The following CYP51A1 variants were observed in gnomAD, a reference collection of about 807,000 sequenced individuals.
The protein encoded by CYP51A1 is lanosterol 14-alpha demethylase.
CYP51A1 carries 45 observed loss-of-function variants against 53.5 expected under a neutral mutation model. That is an observed-to-expected ratio of 0.84 (90% CI 0.66 to 1.08). The LOEUF (loss-of-function observed/expected upper bound fraction) is 1.08, where lower values mean the gene tolerates loss of function less well. Among genes scored for constraint, CYP51A1 ranks in the 50% least tolerant of loss-of-function variants. The pLI is 0.00. For missense variants in CYP51A1, 462 were observed against 621.7 expected (o/e 0.74, Z 2.73); for synonymous variants, 181 against 217.7 (o/e 0.83, Z 1.48).
At position 92,113,863 on chromosome 7, in the gene CYP51A1, A is replaced by G. The variant is rs1819522105; in HGVS notation, c.1352-20T>C. 6.5e-7 allele frequency: 1 copy of G among 1,550,006 alleles called. No homozygotes were observed. On this transcript the variant is annotated intron_variant, in intron 9 of 9. Transcript: ENST00000003100. ...GACGCCCTAAAAAAAAGAAAAAGTTATAAGAATCAGTTTAAATTCTTTCTC... is the reference window on the plus strand; with the variant it reads ...GACGCCCTAAAAAAAAGAAAAAGTTGTAAGAATCAGTTTAAATTCTTTCTC...
At chr7:92,126,520 C>T (rs1233116204) in intron 4 of CYP51A1, 93 bp from the exon 5 acceptor site, 17 of 1,088,734 alleles carry the variant, frequency 1.6e-5, no homozygotes, top group Non-Finnish European at 2.1e-5. Context: ...AAACAAGATC[C>T]TATTCATATC....
In CYP51A1 at chr7:92,118,530, C is replaced by T; in HGVS notation, c.1172G>A (p.Arg391Lys). ...PPIMIMMRMA[R>K]TPQTVAGYTI... The stretch of plus-strand genomic sequence containing the variant: ...AGCCAAGATACTCACCTGAGGAGTT[C>T]TGGCCATTCTCATCATGATCATTAT... The change falls in exon 8 of 10, where the codon AGA becomes AAA. Residue 391 changes from arginine to lysine, a missense_variant. Arg to Lys is a conservative substitution (Grantham distance 26). Transcript: ENST00000003100. 1 of 1,566,348 alleles carries T rather than the reference C, an allele frequency of 6.4e-7. No individual in the cohort carries two copies. Among genetic ancestry groups the T allele is most frequent in the Non-Finnish European group, 8.8e-7 (1 of 1,137,954 alleles).
intron 8 of CYP51A1, chr7:92,117,429 AGAT>A (rs1819600820): frequency 2.6e-6 from 1 of 385,922 alleles, no homozygotes; most frequent in African/African-American, 2.1e-5. Flanking sequence ...AAAACTGGCT[AGAT>A]AATAGGCAAA....
At chr7:92,128,461 T>TGTGC (rs1563181258) in intron 3 of CYP51A1, among the ~76,000 whole-genome samples, 8 of 137,462 alleles carry the variant, frequency 5.8e-5, no homozygotes, top group African/African-American at 2.0e-4. Flanking sequence ...TGTGTGCGCG[T>TGTGC]GCGTGTGTGT....
chr7:92,125,033 A>G (rs1819769065), intron 5 of CYP51A1, among the ~76,000 whole-genome samples: 1 of 151,350 alleles, frequency 6.6e-6, no homozygotes, highest in African/African-American at 2.4e-5. Context: ...AGTCCCAGCT[A>G]CTCGGGAGGC....
chr7:92,128,457 C>T (rs12112261), intron 3 of CYP51A1, among the ~76,000 whole-genome samples: 57,814 of 135,144 alleles, frequency 0.43, 11,515 homozygotes, highest in African/African-American at 0.51. Context: ...TGTGTGTGTG[C>T]GCGTGCGTGT....
rs1038517954 is a variant in CYP51A1, at chr7:92,128,904, T to C, written c.444A>G (p.Gly148=). ...SRLTTPVFGK[G]VAYDVPNPVF... is the part of the protein sequence containing the mutation. ...CTGGATTAGGCACATCGTATGCAAC[T>C]CCCTTCCCAAACACAGGTGTTGTCA... Residue 148 remains glycine, a synonymous_variant, in exon 3 of 10, where the codon GGA becomes GGG. Transcript: ENST00000003100. The C allele has an allele frequency of 6.2e-7, 1 of 1,611,918 alleles. No homozygotes were observed. Among genetic ancestry groups the C allele is most frequent in the Non-Finnish European group, 8.5e-7 (1 of 1,179,706 alleles).
At chr7:92,118,963 A>C (rs1250489679) in intron 7 of CYP51A1, among the ~76,000 whole-genome samples, 1 of 152,234 alleles carries the variant, frequency 6.6e-6, no homozygotes, top group African/African-American at 2.4e-5. Context: ...AAGAAAAAGA[A>C]ATCTGAATCT....
rs201367686 is a variant in CYP51A1, at chr7:92,128,463, C to CGTGT, written c.468+413_468+416dup. On this transcript the variant is annotated intron_variant, in intron 3 of 9. Coordinates refer to ENST00000003100, the MANE Select transcript of CYP51A1 (RefSeq NM_000786.4). ...GTGTGTGTGTGTGTGTGTGCGCGTG[C>CGTGT]GTGTGTGTGTGTGTGTTTGGTTTTT... Among the ~76,000 whole-genome samples, 216 of 115,918 alleles carry CGTGT rather than the reference C, an allele frequency of 1.9e-3. 2 individuals are homozygous for CGTGT. Among genetic ancestry groups the CGTGT allele is most frequent in the African/African-American group, 7.5e-3 (186 of 24,716 alleles). The allele number at this position is 115,918 out of a possible 152,430, so 76.0% of individuals were successfully genotyped here.
chr7:92,134,541 T>C (rs1820004860), upstream of CYP51A1: 1 of 635,714 alleles, frequency 1.6e-6, no homozygotes, highest in Admixed American at 3.1e-5. Flanking sequence ...TGGGGCGGGA[T>C]GTTCCGCTGG....
At chr7:92,130,434 A>G (rs1819894306) in intron 2 of CYP51A1, among the ~76,000 whole-genome samples, 1 of 152,224 alleles carries the variant, frequency 6.6e-6, no homozygotes, top group Non-Finnish European at 1.5e-5. Flanking sequence ...CTCAGAAATC[A>G]GACCATGTGT....
chr7:92,119,687 A>C (rs1819647456), intron 7 of CYP51A1, among the ~76,000 whole-genome samples: 1 of 152,178 alleles, frequency 6.6e-6, no homozygotes, highest in Non-Finnish European at 1.5e-5. Flanking sequence ...CATTATTTTA[A>C]ATGTACAGTT....
chr7:92,115,447 T>A (rs1433098937), intron 9 of CYP51A1, among the ~76,000 whole-genome samples: 1 of 152,124 alleles, frequency 6.6e-6, no homozygotes, highest in Non-Finnish European at 1.5e-5. Flanking sequence ...ACAGGGGTAG[T>A]AATTGGAACA....
At chr7:92,134,079 T>C in intron 1 of CYP51A1, 94 bp downstream of exon 1, 5 of 1,269,172 alleles carry the variant, frequency 3.9e-6, no homozygotes, top group Non-Finnish European at 5.5e-6. Context: ...TGCCATCCAC[T>C]GAGCCGGTCG....
chr7:92,129,947 G>T (rs763230590), intron 2 of CYP51A1, among the ~76,000 whole-genome samples: 1 of 152,082 alleles, frequency 6.6e-6, no homozygotes, highest in Non-Finnish European at 1.5e-5. Flanking sequence ...TTGAGCATTA[G>T]GCAGTGCTAG....
intron 6 of CYP51A1, 77 bp downstream of exon 6, chr7:92,123,657 A>G: frequency 7.2e-7 from 1 of 1,382,924 alleles, no homozygotes; most frequent in Non-Finnish European, 9.8e-7. Flanking sequence ...CTGTTTTTTA[A>G]CTGGAAATAC....
chr7:92,119,631 C>T (rs1181323710), intron 7 of CYP51A1, among the ~76,000 whole-genome samples: 2 of 152,072 alleles, frequency 1.3e-5, no homozygotes, highest in Admixed American at 1.3e-4. Context: ...AAAGAGCCAG[C>T]AACAATAAAC....
At chr7:92,117,711 C>T (rs148152670) in intron 8 of CYP51A1, among the ~76,000 whole-genome samples, 1 of 152,126 alleles carries the variant, frequency 6.6e-6, no homozygotes, top group African/African-American at 2.4e-5. Context: ...GCATGTAGGC[C>T]GGGCGCGGGA....
At chr7:92,123,379 T>A in intron 6 of CYP51A1, 64 bp from the exon 7 acceptor site, 1 of 1,285,100 alleles carries the variant, frequency 7.8e-7, no homozygotes, top group Non-Finnish European at 1.1e-6. Context: ...CCTCAACCTT[T>A]AAATAAAGTG....
Sources: allele counts gnomAD v4.1 joint callset (sites outside exome capture counted in the v4.1 genomes callset), GRCh38; gene constraint gnomAD v4.1.1; transcripts MANE v1.5; gene names NCBI Gene and HGNC (gene_info 2026-07-23, HGNC 2026-07-21).